CYP17A1: variants seen among roughly 807,000 people sequenced by gnomAD.
The protein encoded by CYP17A1 is steroid 17-alpha-hydroxylase/17,20 lyase.
CYP17A1 carries 27 observed loss-of-function variants against 38.5 expected under a neutral mutation model. The observed-to-expected ratio is 0.70, with a 90% CI of 0.52 to 0.97. CYP17A1 has a LOEUF of 0.97. Among genes scored for constraint, CYP17A1 ranks in the 50% least tolerant of loss-of-function variants. The pLI, the probability that CYP17A1 is intolerant of heterozygous loss-of-function variation, is 0.00. For synonymous variants in CYP17A1, 263 were observed against 253.3 expected, an observed-to-expected ratio of 1.04 and a Z score of -0.36; for missense variants, 549 against 645.9, an observed-to-expected ratio of 0.85 and a Z score of 1.63.
rs916625489 is a variant in CYP17A1 at position 102,830,720 on chromosome 10, C to T, written c.1509G>A (p.Gln503=). The change falls in exon 8 of 8, where the codon CAG becomes CAA. Residue 503 remains glutamine, a synonymous_variant. Coordinates refer to ENST00000369887, the MANE Select transcript of CYP17A1 (RefSeq NM_000102.4). This position sits in a 1 kb window ranked among gnomAD's most constrained non-coding sequence, Gnocchi z 4.1. ...ACAGCCTTTAGGTGCTACCCTCAGC[C>T]TGGGCTTCCCTCCAGGCCTGGCGCA... ...IKVRQAWREA[Q]AEGST The T allele has an allele frequency of 1.9e-6, 3 of 1,599,394 alleles. No individual in the cohort carries two copies. Among genetic ancestry groups the T allele is most frequent in the Non-Finnish European group, 2.6e-6 (3 of 1,169,250 alleles).
Position 102,835,174 on chromosome 10 carries a change from T to C in CYP17A1, c.436+80A>G, listed in dbSNP as rs61754272. On this transcript the variant is annotated intron_variant, in intron 2 of 7. Transcript: ENST00000369887. ...TGCATTGCGCTCTAGTCCTAACCCT[T>C]ACCCCTGCCCAACCCTCCTCTCCCT... The C allele has an allele frequency of 1.8e-4, 241 of 1,351,078 alleles. No individual in the cohort carries two copies. The African/African-American group carries it at 2.6e-3, about 15-fold the overall frequency. The allele number at this position is 1,351,078 out of a possible 1,614,324, so 83.7% of individuals were successfully genotyped here.
rs745754228 is a variant in CYP17A1 at position 102,833,146 on chromosome 10, G to A, written c.816C>T (p.Asn272=). The part of the protein sequence containing the change: ...MLDTLMQAKM[N]SDNGNAGPDQ... ...CTGGGCCAGCATTGCCATTATCTGAGTTCATCTTGGCTTGCATCAGTGTGT... is the reference window on the plus strand; with the variant it reads ...CTGGGCCAGCATTGCCATTATCTGAATTCATCTTGGCTTGCATCAGTGTGT... The change falls in exon 5 of 8, where the codon AAC becomes AAT. Residue 272 remains asparagine (N), a synonymous_variant. Transcript: ENST00000369887. 3 of 1,614,160 alleles carry A rather than the reference G, an allele frequency of 1.9e-6. No individual in the cohort carries two copies. The highest frequency in any genetic ancestry group is 3.3e-5 in the Admixed American group (2 of 60,014).
In CYP17A1 at chr10:102,832,783, T is replaced by A. The variant is rs1844108483; in HGVS notation, c.970-103A>T. On this transcript the variant is annotated intron_variant, in intron 5 of 7. Transcript: ENST00000369887. Reference sequence around the variant, plus strand: ...GTGACATCGAGAAGAGCCTGTCCAGTCCCTTCCCAGTAGTGGCTCTGGGGC... The same window carrying A: ...GTGACATCGAGAAGAGCCTGTCCAGACCCTTCCCAGTAGTGGCTCTGGGGC... The A allele has an allele frequency of 2.9e-5, 37 of 1,263,846 alleles. 1 individual carries two copies. The South Asian group carries it at 4.3e-4, about 15-fold the overall frequency. The allele number at this position is 1,263,846 out of a possible 1,614,324, so 78.3% of individuals were successfully genotyped here.
At position 102,835,336 on chromosome 10, in the gene CYP17A1, G is replaced by A. The variant is rs1844147594; in HGVS notation, c.354C>T (p.Gly118=). The A allele has an allele frequency of 1.2e-6, 2 of 1,610,468 alleles. No individual in the cohort carries two copies. The highest frequency in any genetic ancestry group is 1.7e-6 in the Non-Finnish European group (2 of 1,176,754). The change falls in exon 2 of 8, where the codon GGC becomes GGT. Residue 118 remains glycine (G), a synonymous_variant. Coordinates refer to ENST00000369887, the MANE Select transcript of CYP17A1 (RefSeq NM_000102.4). ...NRKGIAFADS[G]AHWQLHRRLA... ...GCCTTCGATGCAGCTGCCAGTGTGC[G>A]CCAGAGTCAGCGAAGGCGATACCCT...
intron 3 of CYP17A1, 35 bp from the exon 4 acceptor site, chr10:102,834,157 C>A (rs1335894799): frequency 1.1e-6 from 1 of 921,594 alleles, no homozygotes; most frequent in Non-Finnish European, 1.8e-6. Context: ...ATCCACCCTT[C>A]TTCCATTTTG....
At position 102,837,184 on chromosome 10, in the gene CYP17A1, AT is replaced by A. The variant is rs1402132413; in HGVS notation, c.177del (p.Lys59AsnfsTer16). 3 of 1,603,790 alleles carry A rather than the reference AT, an allele frequency of 1.9e-6. No individual in the cohort carries two copies. Among genetic ancestry groups the A allele is most frequent in the Non-Finnish European group, 2.6e-6 (3 of 1,170,706 alleles). ...ATACGAACCGAATAGATGGGGCCAT[AT>A]TTTTTCTGCAGCTTGAAGAAGTTGT... is the stretch of plus-strand genomic sequence containing the variant. ...MHNNFFKLQK[K>X]YGPIYSVRMG... On this transcript the variant is annotated frameshift_variant, in exon 1 of 8. Transcript: ENST00000369887. LOFTEE classifies it high-confidence loss of function.
Position 102,837,350 on chromosome 10 carries a change from G to A in CYP17A1, c.12C>T (p.Leu4=), listed in dbSNP as rs565323692. MWE[L]VALLLLTLAY... is the part of the protein sequence containing the mutation. ...CTAGGGTAAGCAGCAAGAGAGCCAC[G>A]AGCTCCCACATGGTGGCTGGGTGCC... The change falls in exon 1 of 8, where the codon CTC becomes CTT. Residue 4 remains leucine, a synonymous_variant. Coordinates refer to ENST00000369887, the MANE Select transcript of CYP17A1 (RefSeq NM_000102.4). The A allele has an allele frequency of 1.6e-5, 25 of 1,609,554 alleles. No individual in the cohort carries two copies. Among genetic ancestry groups the A allele is most frequent in the South Asian group, 7.7e-5 (7 of 90,972 alleles).
intron 2 of CYP17A1, 44 bp from the exon 3 acceptor site, chr10:102,835,058 C>CT: frequency 1.6e-6 from 2 of 1,268,860 alleles, no homozygotes; most frequent in Non-Finnish European, 2.3e-6. Flanking sequence ...AATCAGCACC[C>CT]TTACCCCCTC....
At position 102,832,512 on chromosome 10, in the gene CYP17A1, T is replaced by C. The variant is rs768302142; in HGVS notation, c.1138A>G (p.Ser380Gly). The C allele has an allele frequency of 6.3e-7, 1 of 1,599,352 alleles. No individual in the cohort carries two copies. ...ATGTCACTGGGAGGGCAGGCACACC[T>C]GGAGTCAACGTTGGCCTTGTGGGGG... ...LIPHKANVDS[S>G]IGEFAVDKGT... Residue 380 changes from serine (S) to glycine (G), a missense_variant and splice_region_variant, in exon 6 of 8, where the codon AGC (serine) becomes GGC (glycine). Physicochemically the swap from Ser to Gly is moderately conservative, Grantham distance 56. Around this residue, in one of 3 missense-constraint regions of CYP17A1, gnomAD observed 257 missense variants for 307.9 expected, o/e 0.83. Coordinates refer to ENST00000369887, the MANE Select transcript of CYP17A1 (RefSeq NM_000102.4).
intron 1 of CYP17A1, chr10:102,835,685 G>C (rs1844153692): frequency 2.3e-6 from 1 of 437,310 alleles, no homozygotes. Context: ...GGTGCCCTCT[G>C]GGCTTCTTTT....
At position 102,835,632 on chromosome 10, in the gene CYP17A1, C is replaced by T. The variant is rs1844153159; in HGVS notation, c.298-240G>A. Reference sequence around the variant, plus strand: ...GTAGATCAAGGAGAAAGAAAGAACCCTTAATTAGAATGCAGCAGCATTGGG... The same window carrying T: ...GTAGATCAAGGAGAAAGAAAGAACCTTTAATTAGAATGCAGCAGCATTGGG... On this transcript the variant is annotated intron_variant, in intron 1 of 7. Coordinates refer to ENST00000369887, the MANE Select transcript of CYP17A1 (RefSeq NM_000102.4). 2.3e-5 allele frequency: 13 copies of T among 560,664 alleles called. 1 individual carries two copies. Among genetic ancestry groups the T allele is most frequent in the South Asian group, 2.2e-4 (11 of 50,888 alleles). The allele number at this position is 560,664 out of a possible 1,614,324, so 34.7% of individuals were successfully genotyped here. A position where few individuals can be genotyped will look rare whatever the true frequency, so the allele number is the denominator to read the frequency against.
intron 3 of CYP17A1, 81 bp downstream of exon 3, chr10:102,834,704 G>A: frequency 1.2e-6 from 2 of 1,604,854 alleles, no homozygotes; most frequent in Non-Finnish European, 1.7e-6. Context: ...TGCGGCTGGA[G>A]CAGGGAAGTA....
chr10:102,835,307 G>C lies in CYP17A1; in HGVS notation c.383C>G (p.Ala128Gly). 1.2e-6 allele frequency: 2 copies of C among 1,612,108 alleles called. No individual in the cohort carries two copies. Among genetic ancestry groups the C allele is most frequent in the Non-Finnish European group, 1.7e-6 (2 of 1,178,126 alleles). Residue 128 changes from alanine (A) to glycine (G), a missense_variant, in exon 2 of 8, where the codon GCG (alanine) becomes GGG (glycine). By Grantham distance (60) the Ala-to-Gly change is moderately conservative. Transcript: ENST00000369887. ...CTTGAACAGGGCAAAGGTGGCCATC[G>C]CCAGCCTTCGATGCAGCTGCCAGTG... Reference protein sequence around the residue: ...GAHWQLHRRLAMATFALFKDG... With the variant: ...GAHWQLHRRLGMATFALFKDG...
At chr10:102,832,712 T>C (rs764021653) in intron 5 of CYP17A1, 32 bp from the exon 6 acceptor site, 12 of 1,451,750 alleles carry the variant, frequency 8.3e-6, no homozygotes, top group Middle Eastern at 1.7e-4. Context: ...AGGTGACTAG[T>C]GTGTGTAAGC....
Position 102,834,872 on chromosome 10 carries a change from A to G in CYP17A1, c.579T>C (p.Pro193=). The G allele has an allele frequency of 6.2e-7, 1 of 1,613,986 alleles. No homozygotes were observed. The highest frequency in any genetic ancestry group is 2.2e-5 in the East Asian group (1 of 44,882). ...CFNTSYKNGD[P]ELNVIQNYNE... ...TGTAATTCTGTATGACATTCAACTCAGGGTCCCCATTCTTGTAGGAGGTAT... is the reference window on the plus strand; with the variant it reads ...TGTAATTCTGTATGACATTCAACTCGGGGTCCCCATTCTTGTAGGAGGTAT... The change falls in exon 3 of 8, where the codon CCT becomes CCC. Residue 193 remains proline (P), a synonymous_variant. Transcript: ENST00000369887.
Position 102,833,100 on chromosome 10 carries a change from A to C in CYP17A1, c.862T>G (p.Ser288Ala). Residue 288 changes from serine to alanine, a missense_variant, in exon 5 of 8, where the codon TCA becomes GCA. By Grantham distance (99) the Ser-to-Ala change is moderately conservative (BLOSUM62 1). Coordinates refer to ENST00000369887, the MANE Select transcript of CYP17A1 (RefSeq NM_000102.4). ...ATGGTGGTGAGAATGTGGTTATCTGAAAGCAGCTCTGAGTCTTGATCTGGG... is the reference window on the plus strand; with the variant it reads ...ATGGTGGTGAGAATGTGGTTATCTGCAAGCAGCTCTGAGTCTTGATCTGGG... ...AGPDQDSELL[S>A]DNHILTTIGD... The C allele has an allele frequency of 6.2e-7, 1 of 1,614,166 alleles. No individual in the cohort carries two copies. The highest frequency in any genetic ancestry group is 8.5e-7 in the Non-Finnish European group (1 of 1,180,036).
chr10:102,832,522 G>A lies in CYP17A1; in HGVS notation c.1128C>T (p.Asn376=), dbSNP rs771970497. Residue 376 remains asparagine, a synonymous_variant, in exon 6 of 8, where the codon AAC becomes AAT. Transcript: ENST00000369887. ...VAPMLIPHKA[N]VDSSIGEFAV... The stretch of plus-strand genomic sequence containing the variant: ...GAGGGCAGGCACACCTGGAGTCAAC[G>A]TTGGCCTTGTGGGGGATGAGCATAG... The A allele has an allele frequency of 2.5e-6, 4 of 1,607,044 alleles. No homozygotes were observed. The highest frequency in any genetic ancestry group is 2.2e-5 in the South Asian group (2 of 90,966).
chr10:102,835,932 T>C (rs61754269), intron 1 of CYP17A1, among the ~76,000 whole-genome samples: 6 of 152,176 alleles, frequency 3.9e-5, no homozygotes, highest in African/African-American at 1.2e-4. Context: ...TGCAGATGTT[T>C]TGTCTACCCA....
chr10:102,834,513 T>C, intron 3 of CYP17A1: 1 of 580,200 alleles, frequency 1.7e-6, no homozygotes, highest in Non-Finnish European at 3.1e-6. Context: ...AATTCAGCGA[T>C]GAATGCGTAT....
Sources: gnomAD v4.1 joint callset for allele counts (sites outside exome capture counted in the v4.1 genomes callset) on GRCh38, gnomAD v4.1.1 for gene constraint, gnomAD v4.1.1 regional missense constraint, Gnocchi (gnomAD v3.1) non-coding constraint, MANE v1.5 for transcripts, NCBI Gene and HGNC (gene_info 2026-07-23, HGNC 2026-07-21) for gene names.